Variants in ASPA observed in about 807,000 individuals in gnomAD.
ASPA encodes the protein ACY-2.
ASPA carries 25 observed loss-of-function variants against 29.6 expected under a neutral mutation model. That is an observed-to-expected ratio of 0.85 (90% CI 0.62 to 1.18). The LOEUF (loss-of-function observed/expected upper bound fraction) is 1.18, where lower values mean the gene tolerates loss of function less well. Among genes scored for constraint, ASPA ranks in the 50% most tolerant of loss-of-function variants. ASPA has a pLI of 0.00. For missense variants in ASPA, 333 were observed against 385.7 expected, an observed-to-expected ratio of 0.86 and a Z score of 1.14; for synonymous variants, 131 against 130.3, an observed-to-expected ratio of 1.01 and a Z score of -0.04.
chr17:3,489,435 T>C, intron 4 of ASPA, 93 bp downstream of exon 4: 1 of 1,095,504 alleles, frequency 9.1e-7, no homozygotes, highest in South Asian at 1.3e-5. Flanking sequence ...GCTAAAGATA[T>C]GAAGTGCTTT....
At chr17:3,477,490 G>C (rs1267671380) in intron 1 of ASPA, among the ~76,000 whole-genome samples, 1 of 152,044 alleles carries the variant, frequency 6.6e-6, no homozygotes, top group Non-Finnish European at 1.5e-5. Context: ...TTTCGCTCTT[G>C]TTGCCCAGTC....
At chr17:3,496,959 G>A (rs548167131) in intron 5 of ASPA, among the ~76,000 whole-genome samples, 7 of 152,248 alleles carry the variant, frequency 4.6e-5, no homozygotes, top group South Asian at 2.1e-4. Context: ...CCAGCTACTC[G>A]GGAGCCTGAG....
intron 1 of ASPA, among the ~76,000 whole-genome samples, chr17:3,476,659 A>G (rs2073528706): frequency 6.6e-6 from 1 of 152,228 alleles, no homozygotes; most frequent in Non-Finnish European, 1.5e-5. Flanking sequence ...GACTGAGACA[A>G]TAAATAGAAA....
intron 4 of ASPA, 139 bp downstream of exon 4, chr17:3,489,481 G>T (rs1280822401): frequency 1.5e-6 from 1 of 681,576 alleles, no homozygotes. Context: ...TTCCCCAATG[G>T]CCAGGATAGA....
chr17:3,483,879 A>AACTCCTGACCTCAGGTGAT (rs2073676297), intron 3 of ASPA, among the ~76,000 whole-genome samples: 1 of 152,060 alleles, frequency 6.6e-6, no homozygotes, highest in Admixed American at 6.6e-5. Flanking sequence ...GCTGGCCTCA[A>AACTCCTGACCTCAGGTGAT]ACTCCTGACC....
chr17:3,495,119 T>C (rs1217697462), intron 5 of ASPA, among the ~76,000 whole-genome samples: 1 of 150,710 alleles, frequency 6.6e-6, no homozygotes, highest in African/African-American at 2.4e-5. Flanking sequence ...TGAGAGAATG[T>C]AGGAGGTTTA....
intron 1 of ASPA, among the ~76,000 whole-genome samples, chr17:3,479,481 A>G (rs2073590101): frequency 6.6e-6 from 1 of 152,220 alleles, no homozygotes; most frequent in African/African-American, 2.4e-5. Context: ...GTTCACAAAT[A>G]ATAAGTCCAG....
Position 3,476,373 on chromosome 17 carries a change from ATTT to A in ASPA, c.217_219del (p.Phe73del). On this transcript the variant is annotated inframe_deletion, in exon 1 of 6. Coordinates refer to ENST00000263080, the MANE Select transcript of ASPA (RefSeq NM_000049.4). The stretch of plus-strand genomic sequence containing the variant: ...ATATATTGACTGTGACCTGAATCGC[ATTT>A]TTGACCTTGAAAATCTTGGGTAAGA... 6.2e-7 allele frequency: 1 copy of A among 1,614,074 alleles called. No homozygotes were observed. Among genetic ancestry groups the A allele is most frequent in the African/African-American group, 1.3e-5 (1 of 75,024 alleles).
At position 3,499,531 on chromosome 17, in the gene ASPA, TGTGCTC is replaced by T. The variant is rs2073965676; in HGVS notation, c.*444_*449del. On this transcript the variant is annotated 3_prime_UTR_variant, in exon 6 of 6. Coordinates refer to ENST00000263080, the MANE Select transcript of ASPA (RefSeq NM_000049.4). ...TAACAGTGCCATGTTTCCAACAGCA[TGTGCTC>T]ACTCCTTGTCTCTGTGTCACCCTTT... is the stretch of plus-strand genomic sequence containing the variant. 9.7e-6 allele frequency: 1 copy of T among 103,564 alleles called. No homozygotes were observed. The highest frequency in any genetic ancestry group is 2.3e-5 in the Non-Finnish European group (1 of 42,844). 6.4% of individuals were successfully genotyped at this position (103,564 alleles called of 1,614,324 possible).
At chr17:3,474,131 A>C (rs2150740112), upstream of ASPA, 1 of 152,342 alleles carries the variant, frequency 6.6e-6, no homozygotes, top group South Asian at 2.1e-4. Flanking sequence ...CTTTTTCCTA[A>C]TAAAGCTTTC....
chr17:3,477,079 C>T (rs910610723), intron 1 of ASPA, among the ~76,000 whole-genome samples: 15 of 152,010 alleles, frequency 9.9e-5, no homozygotes, highest in Non-Finnish European at 1.5e-4. Context: ...GGCGTGAACC[C>T]GGGAGGCGGA....
intron 4 of ASPA, among the ~76,000 whole-genome samples, chr17:3,493,962 A>G (rs970225597): frequency 1.3e-5 from 2 of 151,576 alleles, no homozygotes; most frequent in Non-Finnish European, 2.9e-5. Context: ...TTCTCCCCAT[A>G]GCTGTCTTCA....
intron 3 of ASPA, among the ~76,000 whole-genome samples, chr17:3,486,434 C>A (rs1353834419): frequency 2.0e-5 from 3 of 152,162 alleles, no homozygotes; most frequent in Non-Finnish European, 4.4e-5. Context: ...ATCCCTCTTA[C>A]CACCTGCTTT....
intron 5 of ASPA, among the ~76,000 whole-genome samples, chr17:3,495,939 A>G (rs2073901699): frequency 6.6e-6 from 1 of 152,232 alleles, no homozygotes; most frequent in Admixed American, 6.5e-5. Flanking sequence ...TGACAAAAAT[A>G]TCAAGTACAA....
intron 2 of ASPA, among the ~76,000 whole-genome samples, chr17:3,482,970 T>C (rs1306001994): frequency 1.5e-5 from 2 of 132,444 alleles, no homozygotes; most frequent in Non-Finnish European, 3.2e-5. Flanking sequence ...CATTGCCTAT[T>C]GAAGAGAGAG....
chr17:3,478,714 G>A (rs773938052), intron 1 of ASPA, among the ~76,000 whole-genome samples: 10 of 152,114 alleles, frequency 6.6e-5, no homozygotes, highest in South Asian at 2.1e-4. Flanking sequence ...TGTTCCCAGC[G>A]TGGTTGAAAA....
intron 5 of ASPA, among the ~76,000 whole-genome samples, chr17:3,495,491 G>C (rs947798032): frequency 6.0e-4 from 91 of 152,234 alleles, no homozygotes; most frequent in African/African-American, 2.2e-3. Flanking sequence ...AGCAAATCCT[G>C]CTTTGTGGCT....
chr17:3,478,630 A>C (rs2073573458), intron 1 of ASPA, among the ~76,000 whole-genome samples: 1 of 152,206 alleles, frequency 6.6e-6, no homozygotes, highest in African/African-American at 2.4e-5. Flanking sequence ...AGTAGTATGC[A>C]TTTCAGTGAG....
At chr17:3,475,924 T>G (rs2073514362), upstream of ASPA, 1 of 544,262 alleles carries the variant, frequency 1.8e-6, no homozygotes, top group South Asian at 2.1e-5. Flanking sequence ...TATCTCTAGT[T>G]GATCTTTGCA....
Sources: allele counts gnomAD v4.1 joint callset (sites outside exome capture counted in the v4.1 genomes callset), GRCh38; gene constraint gnomAD v4.1.1; transcripts MANE v1.5; gene names NCBI Gene and HGNC (gene_info 2026-07-23, HGNC 2026-07-21).